The following TNR variants were observed in gnomAD, a reference collection of about 807,000 sequenced individuals.
TNR encodes tenascin R, also known as tenascin-R.
A neutral mutation model predicts 150.4 loss-of-function variants in TNR; 45 were observed. The ratio of observed to expected loss-of-function variants is 0.30; its 90% CI spans 0.24 to 0.38. The LOEUF is 0.38. Among genes scored for constraint, TNR ranks in the 10% least tolerant of loss-of-function variants. TNR has a pLI of 1.00. For synonymous variants in TNR, 687 were observed against 678.4 expected (o/e 1.01, Z -0.20); for missense variants, 1,544 against 1,759.1 (o/e 0.88, Z 2.19).
At chr1:175,524,462 A>G (rs1489084328) in intron 2 of TNR, among the ~76,000 whole-genome samples, 2 of 152,066 alleles carry the variant, frequency 1.3e-5, no homozygotes, top group East Asian at 3.9e-4. Flanking sequence ...GTTTACAAGC[A>G]GAAGAAAAAG....
intron 2 of TNR, among the ~76,000 whole-genome samples, chr1:175,469,617 G>T (rs190688413): frequency 7.2e-5 from 11 of 152,108 alleles, no homozygotes; most frequent in Admixed American, 7.2e-4. Context: ...TCTTGTTGGG[G>T]CTGCTTGGTA....
intron 1 of TNR, among the ~76,000 whole-genome samples, chr1:175,625,259 A>G (rs1194619380): frequency 3.3e-5 from 5 of 152,168 alleles, no homozygotes; most frequent in African/African-American, 9.7e-5. Context: ...TTTTCTGCCC[A>G]TTCTTTCTGT....
At position 175,636,839 on chromosome 1, in the gene TNR, C is replaced by A. The variant is rs575810173; in HGVS notation, c.-165+106387G>T. 5.9e-4 allele frequency among the ~76,000 whole-genome samples: 90 copies of A among 152,264 alleles called. No homozygotes were observed. The Middle Eastern group carries it at 0.01, about 17-fold the overall frequency. Reference sequence around the variant, plus strand: ...TTTACCTGATGCCTCAGGCAAGAGTCTTGAAAAAAGAATGACAATATGTCA... The same window carrying A: ...TTTACCTGATGCCTCAGGCAAGAGTATTGAAAAAAGAATGACAATATGTCA... On this transcript the variant is annotated intron_variant, in intron 1 of 22. Transcript: ENST00000367674.
intron 21 of TNR, among the ~76,000 whole-genome samples, chr1:175,328,342 T>A (rs1366909458): frequency 6.6e-6 from 1 of 152,208 alleles, no homozygotes; most frequent in African/African-American, 2.4e-5. Context: ...CCTAGAGATT[T>A]GAATGTTTGC....
chr1:175,648,507 G>A (rs1053413927), intron 1 of TNR, among the ~76,000 whole-genome samples: 1 of 152,044 alleles, frequency 6.6e-6, no homozygotes, highest in Non-Finnish European at 1.5e-5. Context: ...AGACTGAGAT[G>A]GGCTAATTTT....
At chr1:175,359,550 G>T in intron 15 of TNR, 62 bp downstream of exon 15, 1 of 1,610,960 alleles carries the variant, frequency 6.2e-7, no homozygotes, top group Non-Finnish European at 8.5e-7. Flanking sequence ...ACATCATACT[G>T]GTCTGCAGCT....
intron 1 of TNR, among the ~76,000 whole-genome samples, chr1:175,578,927 C>T (rs764416413): frequency 2.2e-4 from 33 of 152,108 alleles, no homozygotes; most frequent in Non-Finnish European, 4.6e-4. Context: ...TGCCAGGAAC[C>T]CTGGATGTCA....
intron 1 of TNR, among the ~76,000 whole-genome samples, chr1:175,664,024 T>C (rs1344587765): frequency 6.6e-6 from 1 of 152,334 alleles, no homozygotes; most frequent in East Asian, 1.9e-4. Flanking sequence ...GTGGGTGGCA[T>C]GTGAACAGAG....
At chr1:175,356,555 A>G (rs1651339188) in intron 15 of TNR, 93 bp from the exon 16 acceptor site, 4 of 1,496,174 alleles carry the variant, frequency 2.7e-6, no homozygotes, top group East Asian at 2.3e-5. Flanking sequence ...TGGATTTACT[A>G]CTAGAGAATT....
At position 175,476,220 on chromosome 1, in the gene TNR, C is replaced by G. The variant is rs116576627; in HGVS notation, c.-64+52049G>C. ...GAGCCTAGAAGCAGCCTGGTGCTTG[C>G]CATGATCACAGGACAAGGTGATCTC... On this transcript the variant is annotated intron_variant, in intron 2 of 22. Coordinates refer to ENST00000367674, the MANE Select transcript of TNR (RefSeq NM_003285.3). Among the ~76,000 whole-genome samples, 175 of 152,278 alleles carry G rather than the reference C, an allele frequency of 1.1e-3. 1 individual carries two copies. Among genetic ancestry groups the G allele is most frequent in the African/African-American group, 4.1e-3 (172 of 41,550 alleles).
chr1:175,622,809 C>G (rs1457957312), intron 1 of TNR, among the ~76,000 whole-genome samples: 1 of 152,274 alleles, frequency 6.6e-6, no homozygotes, highest in African/African-American at 2.4e-5. Flanking sequence ...TATTTTCTTG[C>G]CTCTTCCTAG....
At chr1:175,442,569 C>T (rs34166974) in intron 2 of TNR, among the ~76,000 whole-genome samples, 6,274 of 151,832 alleles carry the variant, frequency 0.041, 202 homozygotes, top group Non-Finnish European at 0.062. Flanking sequence ...AGCCCCAAAC[C>T]ATGACTAGAG....
rs114403214 is a variant in TNR, at chr1:175,575,757, C to T, written c.-164-47388G>A. Among the ~76,000 whole-genome samples, 1,194 of 152,142 alleles carry T rather than the reference C, an allele frequency of 7.8e-3. 14 individuals carry two copies. The highest frequency in any genetic ancestry group is 0.027 in the African/African-American group (1,132 of 41,504). ...GGAGAGAGCCCGCACCACAGTGCAC[C>T]GGGGGACTGTGTATGATGGGCTTAG... On this transcript the variant is annotated intron_variant, in intron 1 of 22. Transcript: ENST00000367674.
chr1:175,605,729 T>G (rs536779943), intron 1 of TNR, among the ~76,000 whole-genome samples: 1 of 150,062 alleles, frequency 6.7e-6, no homozygotes, highest in Admixed American at 6.6e-5. Flanking sequence ...GCCAATTGAT[T>G]TTTTTTTCCT....
At chr1:175,475,329 A>G (rs1003426343) in intron 2 of TNR, among the ~76,000 whole-genome samples, 19 of 152,268 alleles carry the variant, frequency 1.2e-4, no homozygotes, top group African/African-American at 4.3e-4. Context: ...TATGATCTCT[A>G]TCATCAAAGG....
chr1:175,742,032 T>C (rs534324715), intron 1 of TNR, among the ~76,000 whole-genome samples: 2 of 152,286 alleles, frequency 1.3e-5, no homozygotes, highest in African/African-American at 4.8e-5. Flanking sequence ...CTTGAATGAT[T>C]GAAGGAAATC....
At chr1:175,442,996 A>C (rs1191420835) in intron 2 of TNR, among the ~76,000 whole-genome samples, 22 of 152,224 alleles carry the variant, frequency 1.4e-4, no homozygotes, top group Admixed American at 1.4e-3. Flanking sequence ...TAAAGATAGT[A>C]ACATATTCAC....
At chr1:175,345,603 T>C (rs1206292364) in intron 18 of TNR, among the ~76,000 whole-genome samples, 1 of 151,884 alleles carries the variant, frequency 6.6e-6, no homozygotes, top group Non-Finnish European at 1.5e-5. Flanking sequence ...AGTAAGCAAG[T>C]GAGTTGGAAG....
chr1:175,708,250 C>G (rs1231661882), intron 1 of TNR, among the ~76,000 whole-genome samples: 1 of 152,162 alleles, frequency 6.6e-6, no homozygotes, highest in African/African-American at 2.4e-5. Context: ...AGGGCCACCT[C>G]CTTCCTTTCT....
Sources: allele counts gnomAD v4.1 joint callset (sites outside exome capture counted in the v4.1 genomes callset), GRCh38; gene constraint gnomAD v4.1.1; transcripts MANE v1.5; gene names NCBI Gene and HGNC (gene_info 2026-07-23, HGNC 2026-07-21).